The following RAI14 variants were observed in gnomAD, a reference collection of about 807,000 sequenced individuals.
RAI14 encodes the protein ankycorbin.
Under a neutral mutation model 115.4 loss-of-function variants are expected in RAI14, and 45 were observed. The observed-to-expected ratio is 0.39, with a 90% confidence interval of 0.31 to 0.50. The LOEUF (loss-of-function observed/expected upper bound fraction) is 0.50, where lower values mean the gene tolerates loss of function less well. Among genes scored for constraint, RAI14 ranks in the 20% least tolerant of loss-of-function variants. The pLI, the probability that RAI14 is intolerant of heterozygous loss-of-function variation, is 0.85. For synonymous variants in RAI14, 371 were observed against 415.4 expected (o/e 0.89, Z 1.30); for missense variants, 939 against 1,131.2 (o/e 0.83, Z 2.44).
Position 34,796,010 on chromosome 5 carries a change from C to T in RAI14, c.239C>T (p.Thr80Ile). 1.2e-6 allele frequency: 2 copies of T among 1,612,080 alleles called. No homozygotes were observed. The highest frequency in any genetic ancestry group is 2.2e-5 in the East Asian group (1 of 44,848). Residue 80 changes from threonine (T) to isoleucine (I), a missense_variant, in exon 4 of 18, where the codon ACA (threonine) becomes ATA (isoleucine). Thr to Ile is a moderately conservative substitution (Grantham distance 89, BLOSUM62 -1). Coordinates refer to ENST00000265109, the MANE Select transcript of RAI14 (RefSeq NM_015577.3). ...ATGATTACACATGGTGTGGATGTGACAGCCCAAGATACTACCGGTATGTGG... is the reference window on the plus strand; with the variant it reads ...ATGATTACACATGGTGTGGATGTGATAGCCCAAGATACTACCGGTATGTGG... ...RVMITHGVDVTAQDTTGHSAL... is the reference protein window; with the variant it reads ...RVMITHGVDVIAQDTTGHSAL...
In RAI14 at chr5:34,823,045, T is replaced by C. The variant is rs1757072102; in HGVS notation, c.1203T>C (p.Pro401=). Residue 401 remains proline (P), a synonymous_variant, in exon 15 of 18, where the codon CCT becomes CCC. Coordinates refer to ENST00000265109, the MANE Select transcript of RAI14 (RefSeq NM_015577.3). This position sits in a 1 kb window ranked among gnomAD's most constrained non-coding sequence, Gnocchi z 4.5. ...QTDLGPSLGK[P]GETSPPDSKS... ...ACTTGGGCCCATCCCTGGGAAAACCTGGTGAAACCTCTCCCCCAGACTCCA... is the reference window on the plus strand; with the variant it reads ...ACTTGGGCCCATCCCTGGGAAAACCCGGTGAAACCTCTCCCCCAGACTCCA... The C allele has an allele frequency of 1.2e-6, 2 of 1,613,558 alleles. No individual in the cohort carries two copies. The highest frequency in any genetic ancestry group is 1.3e-5 in the African/African-American group (1 of 74,902).
In RAI14 at chr5:34,811,191, A is replaced by G; in HGVS notation, c.557+73A>G. ...TTCTGAGAGTATTTCAAAATATCAC[A>G]GCTATATTTTGGATCATTTGTTATA... is the stretch of plus-strand genomic sequence containing the variant. On this transcript the variant is annotated intron_variant, in intron 8 of 17. Transcript: ENST00000265109. 4.7e-6 allele frequency: 7 copies of G among 1,487,382 alleles called. 1 individual carries two copies. In the South Asian group the frequency reaches 8.1e-5, roughly 17 times the overall value. 92.1% of individuals were successfully genotyped at this position (1,487,382 alleles called of 1,614,324 possible).
intron 16 of RAI14, 43 bp downstream of exon 16, chr5:34,826,522 C>A: frequency 6.3e-7 from 1 of 1,589,726 alleles, no homozygotes; most frequent in Non-Finnish European, 8.6e-7. Flanking sequence ...GGTGGAGGGC[C>A]TGGCAGATTT....
intron 2 of RAI14, among the ~76,000 whole-genome samples, chr5:34,732,053 A>G (rs1345974814): frequency 2.6e-5 from 4 of 152,194 alleles, no homozygotes; most frequent in African/African-American, 4.8e-5. Flanking sequence ...CAGGCCCTGG[A>G]AATGGGAGTG....
chr5:34,664,085 A>C (rs772443462), intron 1 of RAI14, among the ~76,000 whole-genome samples: 19 of 152,248 alleles, frequency 1.2e-4, no homozygotes, highest in Non-Finnish European at 2.6e-4. Flanking sequence ...CTAAATAAGC[A>C]GAATCTAGTT....
At chr5:34,776,025 C>T (rs1750791135) in intron 3 of RAI14, among the ~76,000 whole-genome samples, 1 of 152,132 alleles carries the variant, frequency 6.6e-6, no homozygotes, top group Non-Finnish European at 1.5e-5. Flanking sequence ...ACCTAAGTGT[C>T]CATCATCAGA....
At chr5:34,830,237 G>A (rs2150318819) in intron 17 of RAI14, among the ~76,000 whole-genome samples, 1 of 152,218 alleles carries the variant, frequency 6.6e-6, no homozygotes, top group Admixed American at 6.5e-5. Context: ...ACCCGCTTCG[G>A]CCTCCCAAAG....
At chr5:34,775,623 C>A (rs370146809) in intron 3 of RAI14, among the ~76,000 whole-genome samples, 1 of 152,244 alleles carries the variant, frequency 6.6e-6, no homozygotes, top group African/African-American at 2.4e-5. Context: ...TCCCAAAAGA[C>A]ATACAAATGG....
chr5:34,755,225 G>A (rs190311188), intron 2 of RAI14, among the ~76,000 whole-genome samples: 131 of 152,272 alleles, frequency 8.6e-4, no homozygotes, highest in Admixed American at 1.4e-3. Flanking sequence ...ATGATGGTGT[G>A]AGGAACGCCA....
chr5:34,831,022 G>C lies in RAI14; in HGVS notation c.*257G>C. The C allele has an allele frequency of 1.8e-6, 1 of 570,028 alleles. No homozygotes were observed. Among genetic ancestry groups the C allele is most frequent in the Non-Finnish European group, 2.7e-6 (1 of 368,386 alleles). 35.3% of individuals were successfully genotyped at this position (570,028 alleles called of 1,614,324 possible). On this transcript the variant is annotated 3_prime_UTR_variant, in exon 18 of 18. Coordinates refer to ENST00000265109, the MANE Select transcript of RAI14 (RefSeq NM_015577.3). ...CCAGAGCTGGGATCAGCCATGCCCAGAGGTCTGGTCCTGATGCTGGCAGGG... is the reference window on the plus strand; with the variant it reads ...CCAGAGCTGGGATCAGCCATGCCCACAGGTCTGGTCCTGATGCTGGCAGGG...
intron 16 of RAI14, among the ~76,000 whole-genome samples, chr5:34,828,719 G>A (rs1483330698): frequency 6.6e-6 from 1 of 152,260 alleles, no homozygotes; most frequent in Non-Finnish European, 1.5e-5. Flanking sequence ...TAAGACCCTT[G>A]AAACAGCCAC....
intron 1 of RAI14, among the ~76,000 whole-genome samples, chr5:34,677,921 G>C (rs1424454409): frequency 6.6e-6 from 1 of 152,138 alleles, no homozygotes; most frequent in African/African-American, 2.4e-5. Context: ...ATAAAAAGTT[G>C]TAATTTGATT....
chr5:34,773,227 A>T (rs1580207231), intron 3 of RAI14, among the ~76,000 whole-genome samples: 1 of 152,040 alleles, frequency 6.6e-6, no homozygotes, highest in South Asian at 2.1e-4. Context: ...ATGAAATTGG[A>T]CCCTCCTCTC....
At chr5:34,785,940 C>A (rs1752243230) in intron 3 of RAI14, among the ~76,000 whole-genome samples, 1 of 152,140 alleles carries the variant, frequency 6.6e-6, no homozygotes, top group Non-Finnish European at 1.5e-5. Context: ...GTAAACTAGA[C>A]CTTCCTAGAA....
At chr5:34,825,864 G>C (rs1757387467) in intron 15 of RAI14, 3 of 152,366 alleles carry the variant, frequency 2.0e-5, no homozygotes, top group African/African-American at 7.2e-5. Flanking sequence ...GTGGGGTACG[G>C]TGAGGAGTTA....
intron 2 of RAI14, among the ~76,000 whole-genome samples, chr5:34,691,688 G>A (rs894731009): frequency 6.6e-6 from 1 of 152,094 alleles, no homozygotes; most frequent in African/African-American, 2.4e-5. Context: ...GTGATCGAGG[G>A]CTTCACGGTT....
intron 2 of RAI14, among the ~76,000 whole-genome samples, chr5:34,753,872 C>T (rs1400841460): frequency 6.7e-6 from 1 of 150,262 alleles, no homozygotes; most frequent in Non-Finnish European, 1.5e-5. Flanking sequence ...TGAGATTGCA[C>T]CACTGCACTC....
intron 7 of RAI14, among the ~76,000 whole-genome samples, chr5:34,809,963 ATGC>A (rs1755386717): frequency 6.6e-6 from 1 of 152,196 alleles, no homozygotes; most frequent in Non-Finnish European, 1.5e-5. Context: ...GAGAACTGAC[ATGC>A]ATACACTTAT....
chr5:34,763,765 A>G (rs1748988605), intron 3 of RAI14, among the ~76,000 whole-genome samples: 1 of 152,234 alleles, frequency 6.6e-6, no homozygotes, highest in Non-Finnish European at 1.5e-5. Flanking sequence ...GGCCTTGTAG[A>G]ATGGAACCAG....
Sources: allele counts gnomAD v4.1 joint callset (sites outside exome capture counted in the v4.1 genomes callset), GRCh38; gene constraint gnomAD v4.1.1; non-coding constraint Gnocchi (gnomAD v3.1); transcripts MANE v1.5; gene names NCBI Gene and HGNC (gene_info 2026-07-23, HGNC 2026-07-21).